Variants in ALMS1 observed in about 807,000 individuals in gnomAD.
ALMS1 encodes the protein ALMS1 centrosome and basal body associated protein, also known as centrosome-associated protein ALMS1.
ALMS1 carries 271 observed loss-of-function variants against 352.2 expected under a neutral mutation model. The observed-to-expected ratio is 0.77, with a 90% confidence interval of 0.70 to 0.85. The LOEUF (loss-of-function observed/expected upper bound fraction) is 0.85, where lower values mean the gene tolerates loss of function less well. Among genes scored for constraint, ALMS1 ranks in the 40% least tolerant of loss-of-function variants. The probability of loss-of-function intolerance (pLI) is 0.00; values close to 1 mark genes in which losing one functional copy is unlikely to be tolerated. For synonymous variants in ALMS1, 1,865 were observed against 1,761.2 expected (o/e 1.06, Z -1.48); for missense variants, 5,445 against 4,870.7 (o/e 1.12, Z -3.51).
At chr2:73,444,922 A>T (rs1443021070) in intron 7 of ALMS1, among the ~76,000 whole-genome samples, 1 of 152,140 alleles carries the variant, frequency 6.6e-6, no homozygotes. Flanking sequence ...TCAATAATTA[A>T]TAATTAGGAA....
chr2:73,457,443 A>AT (rs1456479128), intron 9 of ALMS1: 2 of 151,858 alleles, frequency 1.3e-5, no homozygotes, highest in African/African-American at 4.8e-5. Context: ...GGGTTTCACT[A>AT]TGTTGGCCAG....
At chr2:73,414,754 TC>T (rs1376241475) in intron 2 of ALMS1, among the ~76,000 whole-genome samples, 1 of 152,160 alleles carries the variant, frequency 6.6e-6, no homozygotes, top group Admixed American at 6.5e-5. Flanking sequence ...TCTCTCAGTA[TC>T]CTTTGCTGCT....
rs564445910 is a variant in ALMS1 at position 73,451,174 on chromosome 2, A to C, written c.4647A>C (p.Arg1549Ser). 1.2e-6 allele frequency: 2 copies of C among 1,613,876 alleles called. No homozygotes were observed. The highest frequency in any genetic ancestry group is 3.3e-5 in the Admixed American group (2 of 59,986). The stretch of plus-strand genomic sequence containing the variant: ...GTCAAATACCTGAAGAGGCTCTCAG[A>C]GTTTCTTCTGCTCCTGGACCAGCTG... ...LGSQIPEEAL[R>S]VSSAPGPADQ... The change falls in exon 8 of 23, where the codon AGA becomes AGC. Residue 1549 changes from arginine to serine, a missense_variant. Transcript: ENST00000613296.
At chr2:73,583,890 A>G (rs1327117308) in intron 16 of ALMS1, among the ~76,000 whole-genome samples, 1 of 152,144 alleles carries the variant, frequency 6.6e-6, no homozygotes, top group Non-Finnish European at 1.5e-5. Flanking sequence ...TTCCTCTGGT[A>G]ATATGTTTTC....
At chr2:73,464,144 AAAG>A (rs1163287629) in intron 9 of ALMS1, among the ~76,000 whole-genome samples, 6 of 152,314 alleles carry the variant, frequency 3.9e-5, no homozygotes, top group Admixed American at 2.0e-4. Flanking sequence ...CACAACCAAA[AAAG>A]AGAATTTTAG....
In ALMS1 at chr2:73,609,548, G is replaced by A. The variant is rs1410063553; in HGVS notation, c.12463-20G>A. ...GGCAGTAATATCTAACTTCTTTCCTGCCTTTCTTTTCTTCTACAGAGAGTG... is the reference window on the plus strand; with the variant it reads ...GGCAGTAATATCTAACTTCTTTCCTACCTTTCTTTTCTTCTACAGAGAGTG... On this transcript the variant is annotated intron_variant, in intron 22 of 22. Transcript: ENST00000613296. 2.5e-6 allele frequency: 4 copies of A among 1,613,752 alleles called. No homozygotes were observed. In the African/African-American group the frequency reaches 5.3e-5, roughly 22 times the overall value.
Position 73,495,513 on chromosome 2 carries a change from G to C in ALMS1, c.9539+4015G>C, listed in dbSNP as rs1439583159. 1.2e-4 allele frequency among the ~76,000 whole-genome samples: 18 copies of C among 152,250 alleles called. 1 individual carries two copies. The highest frequency in any genetic ancestry group is 1.5e-5 in the Non-Finnish European group (1 of 68,020). ...GGCCTCCCAAAATGCTGTGATTACA[G>C]ACGTGAGCCACCATGCCCAGCCAAA... On this transcript the variant is annotated intron_variant, in intron 10 of 22. Coordinates refer to ENST00000613296, the MANE Select transcript of ALMS1 (RefSeq NM_001378454.1).
chr2:73,444,573 C>T (rs566997485), intron 7 of ALMS1, among the ~76,000 whole-genome samples: 2 of 152,240 alleles, frequency 1.3e-5, no homozygotes, highest in African/African-American at 2.4e-5. Context: ...AATGTTAGCT[C>T]GTGTATGTGA....
chr2:73,580,274 C>T (rs760564587), intron 16 of ALMS1, among the ~76,000 whole-genome samples: 77 of 152,126 alleles, frequency 5.1e-4, no homozygotes, highest in Admixed American at 1.3e-3. Flanking sequence ...CCTCAGAGTA[C>T]GTAATTTCAT....
chr2:73,572,969 CT>C lies in ALMS1; in HGVS notation c.11095del (p.Ser3699LeufsTer23). 6.2e-7 allele frequency: 1 copy of C among 1,614,068 alleles called. No individual in the cohort carries two copies. The highest frequency in any genetic ancestry group is 8.5e-7 in the Non-Finnish European group (1 of 1,180,002). ...NTGELKKSKVLSHHRAGRSNQ... is the reference protein window; with the variant it reads ...NTGELKKSKVXSHHRAGRSNQ... ...AGGCGAGCTTAAAAAAAGCAAGGTG[CT>C]TTCTCATCATCGAGCTGGGAGGTCT... On this transcript the variant is annotated frameshift_variant, in exon 16 of 23. Transcript: ENST00000613296. LOFTEE classifies it high-confidence loss of function.
intron 2 of ALMS1, among the ~76,000 whole-genome samples, chr2:73,416,725 A>G (rs1010081334): frequency 1.3e-5 from 2 of 152,228 alleles, no homozygotes; most frequent in African/African-American, 4.8e-5. Flanking sequence ...AAAATACATT[A>G]TATGTCTAAA....
rs1461558361 is a variant in ALMS1, at chr2:73,599,346, A to G, written c.11548-55A>G. Reference sequence around the variant, plus strand: ...ACTTGTTGGCTTGCTTATCCTGTGGATAACTGTGACATTGACTGCAGGTAA... The same window carrying G: ...ACTTGTTGGCTTGCTTATCCTGTGGGTAACTGTGACATTGACTGCAGGTAA... On this transcript the variant is annotated intron_variant, in intron 16 of 22. Coordinates refer to ENST00000613296, the MANE Select transcript of ALMS1 (RefSeq NM_001378454.1). 37 of 1,604,524 alleles carry G rather than the reference A, an allele frequency of 2.3e-5. No individual in the cohort carries two copies. In the East Asian group the frequency reaches 5.1e-4, roughly 22 times the overall value.
intron 9 of ALMS1, among the ~76,000 whole-genome samples, chr2:73,461,775 T>C (rs1358363211): frequency 3.3e-5 from 5 of 152,066 alleles, no homozygotes; most frequent in Non-Finnish European, 5.9e-5. Flanking sequence ...CTGATGGAGC[T>C]AAAAGCAAAG....
At chr2:73,556,753 A>T (rs1001762735) in intron 13 of ALMS1, among the ~76,000 whole-genome samples, 5 of 151,350 alleles carry the variant, frequency 3.3e-5, no homozygotes, top group African/African-American at 1.2e-4. Context: ...CCCCGGCTGG[A>T]GTGCAGTGGC....
At chr2:73,565,937 C>G (rs1674792784) in intron 15 of ALMS1, among the ~76,000 whole-genome samples, 1 of 152,056 alleles carries the variant, frequency 6.6e-6, no homozygotes, top group Non-Finnish European at 1.5e-5. Context: ...AATGTGGTGT[C>G]TTGGATAGAA....
At chr2:73,409,617 G>A (rs1426682741) in intron 2 of ALMS1, among the ~76,000 whole-genome samples, 1 of 151,998 alleles carries the variant, frequency 6.6e-6, no homozygotes, top group Admixed American at 6.6e-5. Flanking sequence ...AAATTAGTTG[G>A]AAGAATAGCA....
chr2:73,564,214 C>T (rs550585270), intron 15 of ALMS1, among the ~76,000 whole-genome samples: 1 of 151,936 alleles, frequency 6.6e-6, no homozygotes, highest in African/African-American at 2.4e-5. Flanking sequence ...GTCTATAATC[C>T]CAGCACTTTG....
At chr2:73,454,216 T>C (rs1277698371) in intron 8 of ALMS1, 149 bp downstream of exon 8, 1 of 1,396,646 alleles carries the variant, frequency 7.2e-7, no homozygotes. Flanking sequence ...TCTAAATGTA[T>C]TTTCCAATAG....
chr2:73,396,309 C>T (rs1338846673), intron 1 of ALMS1, among the ~76,000 whole-genome samples: 2 of 150,200 alleles, frequency 1.3e-5, no homozygotes, highest in East Asian at 1.9e-4. Flanking sequence ...GAAATACACA[C>T]ACACACACAC....
Sources: gnomAD v4.1 joint callset for allele counts (sites outside exome capture counted in the v4.1 genomes callset) on GRCh38, gnomAD v4.1.1 for gene constraint, MANE v1.5 for transcripts, NCBI Gene and HGNC (gene_info 2026-07-23, HGNC 2026-07-21) for gene names.